Variants in EDAR observed in about 807,000 individuals in gnomAD.
The protein encoded by EDAR is tumor necrosis factor receptor superfamily member EDAR.
A neutral mutation model predicts 51.3 loss-of-function variants in EDAR; 38 were observed. The ratio of observed to expected loss-of-function variants is 0.74; its 90% CI spans 0.57 to 0.97. EDAR has a LOEUF of 0.97. Ranked by LOEUF, EDAR falls within the 50% of genes least tolerant of loss-of-function variation. The pLI, the probability that EDAR is intolerant of heterozygous loss-of-function variation, is 0.00. For synonymous variants in EDAR, 227 were observed against 242.1 expected (o/e 0.94, Z 0.58); for missense variants, 528 against 595.0 (o/e 0.89, Z 1.17).
intron 1 of EDAR, among the ~76,000 whole-genome samples, chr2:108,932,839 C>G (rs997409387): frequency 6.6e-6 from 1 of 152,142 alleles, no homozygotes; most frequent in Admixed American, 6.5e-5. Context: ...TCTTCCCATC[C>G]GAGGCAGACA....
At chr2:108,958,607 G>A (rs147228849) in intron 1 of EDAR, among the ~76,000 whole-genome samples, 2 of 152,242 alleles carry the variant, frequency 1.3e-5, no homozygotes, top group East Asian at 3.9e-4. Flanking sequence ...CCTATTGCTC[G>A]GGACAGCTAG....
intron 11 of EDAR, among the ~76,000 whole-genome samples, chr2:108,897,850 A>T (rs1222511242): frequency 6.6e-6 from 1 of 152,234 alleles, no homozygotes; most frequent in Non-Finnish European, 1.5e-5. Flanking sequence ...AAAGCCCTGG[A>T]CATTCTGTGT....
At chr2:108,974,888 A>G (rs1983063) in intron 1 of EDAR, among the ~76,000 whole-genome samples, 66,439 of 152,066 alleles carry the variant, frequency 0.44, 18,120 homozygotes, top group South Asian at 0.67. Context: ...CAACACTTGC[A>G]GTCTGCATGC....
rs1423438391 is a variant in EDAR at position 108,895,585 on chromosome 2, T to G, written c.*1322A>C. The G allele has an allele frequency of 1.3e-5, 2 of 152,236 alleles. No individual in the cohort carries two copies. The highest frequency in any genetic ancestry group is 2.9e-5 in the Non-Finnish European group (2 of 68,048). The allele number at this position is 152,236 out of a possible 1,614,324, so 9.4% of individuals were successfully genotyped here. On this transcript the variant is annotated 3_prime_UTR_variant, in exon 12 of 12. Transcript: ENST00000258443. The stretch of plus-strand genomic sequence containing the variant: ...TCCCATTTAAATGGACAAACCACAC[T>G]GTGTTGACTTCCATAGAGCACCTCA...
At chr2:108,917,498 G>A (rs1697049014) in intron 5 of EDAR, among the ~76,000 whole-genome samples, 1 of 152,156 alleles carries the variant, frequency 6.6e-6, no homozygotes, top group Middle Eastern at 3.2e-3. Context: ...TTGTATACAT[G>A]TATGGAAATT....
chr2:108,977,243 G>A (rs1698339131), intron 1 of EDAR, among the ~76,000 whole-genome samples: 2 of 152,096 alleles, frequency 1.3e-5, no homozygotes, highest in African/African-American at 4.8e-5. Context: ...AGATCTGGTG[G>A]CCTCTCAGCT....
chr2:108,943,466 T>C (rs1236423499), intron 1 of EDAR, among the ~76,000 whole-genome samples: 1 of 152,230 alleles, frequency 6.6e-6, no homozygotes, highest in African/African-American at 2.4e-5. Context: ...CCTGTGCCTT[T>C]TTTCCAAGGT....
At chr2:108,961,558 C>G (rs1698045961) in intron 1 of EDAR, among the ~76,000 whole-genome samples, 1 of 152,208 alleles carries the variant, frequency 6.6e-6, no homozygotes. Flanking sequence ...TTGAACTGCT[C>G]TTTTGGTTAT....
At chr2:108,987,752 G>A (rs1456818330) in intron 1 of EDAR, among the ~76,000 whole-genome samples, 1 of 152,206 alleles carries the variant, frequency 6.6e-6, no homozygotes, top group Non-Finnish European at 1.5e-5. Flanking sequence ...AACTTTCCCA[G>A]CCGTGAAGGG....
In EDAR at chr2:108,907,517, G is replaced by A. The variant is rs570458128; in HGVS notation, c.963+343C>T. Among the ~76,000 whole-genome samples, 150 of 152,038 alleles carry A rather than the reference G, an allele frequency of 9.9e-4. 2 individuals are homozygous for A. The highest frequency in any genetic ancestry group is 3.4e-3 in the African/African-American group (139 of 41,468). ...AAAAAAATTAGCTGGGTGTGGCAGC[G>A]TGCACCTGTAGTCCTAGCTACTTGG... On this transcript the variant is annotated intron_variant, in intron 10 of 11. Transcript: ENST00000258443.
intron 1 of EDAR, among the ~76,000 whole-genome samples, chr2:108,977,521 C>T (rs1254852339): frequency 1.3e-5 from 2 of 152,128 alleles, no homozygotes; most frequent in Admixed American, 6.6e-5. Flanking sequence ...CCGCCAGCCT[C>T]GGCCTCCCAA....
At chr2:108,924,510 T>G (rs1399211022) in intron 4 of EDAR, among the ~76,000 whole-genome samples, 1 of 152,216 alleles carries the variant, frequency 6.6e-6, no homozygotes, top group African/African-American at 2.4e-5. Flanking sequence ...ATTCAAGAAC[T>G]GGGATGAGAA....
intron 1 of EDAR, among the ~76,000 whole-genome samples, chr2:108,961,608 C>T (rs1192559337): frequency 2.0e-5 from 3 of 152,240 alleles, no homozygotes; most frequent in African/African-American, 7.2e-5. Context: ...TAAAAAAGCA[C>T]TCACTGGCAG....
chr2:108,939,493 G>A (rs1250258903), intron 1 of EDAR, among the ~76,000 whole-genome samples: 2 of 152,142 alleles, frequency 1.3e-5, no homozygotes, highest in Non-Finnish European at 2.9e-5. Context: ...GAGGTCAGGA[G>A]GACTGTCCCA....
intron 1 of EDAR, among the ~76,000 whole-genome samples, chr2:108,948,500 T>C (rs972994422): frequency 7.2e-5 from 11 of 152,138 alleles, no homozygotes; most frequent in African/African-American, 2.2e-4. Context: ...GACTGGGTAA[T>C]TTATAAAGAA....
At chr2:108,947,421 C>T (rs1697734047) in intron 1 of EDAR, among the ~76,000 whole-genome samples, 1 of 152,134 alleles carries the variant, frequency 6.6e-6, no homozygotes, top group African/African-American at 2.4e-5. Flanking sequence ...CTAGGCAGTG[C>T]CCCAGTGGGG....
At chr2:108,981,522 A>G (rs1698420007) in intron 1 of EDAR, among the ~76,000 whole-genome samples, 1 of 152,162 alleles carries the variant, frequency 6.6e-6, no homozygotes. Context: ...TGCAGCCCAA[A>G]CAACACCTGT....
intron 1 of EDAR, among the ~76,000 whole-genome samples, chr2:108,984,233 GC>G (rs1698462012): frequency 1.3e-5 from 2 of 152,066 alleles, no homozygotes; most frequent in African/African-American, 4.8e-5. Flanking sequence ...CCTCAGCCAA[GC>G]CAACTCTCCC....
chr2:108,924,394 G>T (rs924668681), intron 4 of EDAR, among the ~76,000 whole-genome samples: 1 of 152,184 alleles, frequency 6.6e-6, no homozygotes, highest in African/African-American at 2.4e-5. Context: ...CCTAGCCTGG[G>T]CCCATTTTCC....
Sources: gnomAD v4.1 joint callset for allele counts (sites outside exome capture counted in the v4.1 genomes callset) on GRCh38, gnomAD v4.1.1 for gene constraint, MANE v1.5 for transcripts, NCBI Gene and HGNC (gene_info 2026-07-23, HGNC 2026-07-21) for gene names.